Variants in PPP1R14C observed in about 807,000 individuals in gnomAD.
PPP1R14C encodes the protein protein phosphatase 1 regulatory inhibitor subunit 14C, also known as protein phosphatase 1 regulatory subunit 14C.
In PPP1R14C, 16 loss-of-function variants were observed where a neutral mutation model predicts 20.4. The ratio of observed to expected loss-of-function variants is 0.78; its 90% CI spans 0.53 to 1.19. The LOEUF (loss-of-function observed/expected upper bound fraction) is 1.19, where lower values mean the gene tolerates loss of function less well. Ranked by LOEUF, PPP1R14C falls within the 50% of genes most tolerant of loss-of-function variation. The pLI is 0.00. For synonymous variants in PPP1R14C, 91 were observed against 91.0 expected, an observed-to-expected ratio of 1.00 and a Z score of 0.00; for missense variants, 211 against 220.1, an observed-to-expected ratio of 0.96 and a Z score of 0.26.
intron 1 of PPP1R14C, among the ~76,000 whole-genome samples, chr6:150,144,294 G>A (rs1490199609): frequency 6.6e-6 from 1 of 152,210 alleles, no homozygotes; most frequent in South Asian, 2.1e-4. Context: ...TCTCCTCCAC[G>A]ACATCGTGAC....
intron 3 of PPP1R14C, among the ~76,000 whole-genome samples, chr6:150,224,218 C>T (rs1778203653): frequency 6.6e-6 from 1 of 152,214 alleles, no homozygotes; most frequent in South Asian, 2.1e-4. Context: ...TCCATTCTTT[C>T]ACCAATACCA....
At chr6:150,242,553 G>A (rs1778445386) in intron 3 of PPP1R14C, among the ~76,000 whole-genome samples, 1 of 152,154 alleles carries the variant, frequency 6.6e-6, no homozygotes, top group Admixed American at 6.5e-5. Context: ...AAATAGAAGT[G>A]AGCCTCCTTA....
rs375113380 is a variant in PPP1R14C at position 150,248,808 on chromosome 6, G to C, written c.486G>C (p.Lys162Asn). ...RGMRKLSPPQ[K>N]KSV ...TGAGGAAACTGAGCCCTCCGCAGAAGAAGAGTGTATGATTCTGGAACAGGG... is the reference window on the plus strand; with the variant it reads ...TGAGGAAACTGAGCCCTCCGCAGAACAAGAGTGTATGATTCTGGAACAGGG... The change falls in exon 4 of 4, where the codon AAG becomes AAC. Residue 162 changes from lysine to asparagine, a missense_variant. Physicochemically the swap from Lys to Asn is moderately conservative, Grantham distance 94 (BLOSUM62 0). Coordinates refer to ENST00000361131, the MANE Select transcript of PPP1R14C (RefSeq NM_030949.3). 1 of 1,611,394 alleles carries C rather than the reference G, an allele frequency of 6.2e-7. No homozygotes were observed. Among genetic ancestry groups the C allele is most frequent in the Non-Finnish European group, 8.5e-7 (1 of 1,177,588 alleles).
chr6:150,149,443 A>ATTTTTTTTTTTTTTTTTTTTTTTTTTT (rs1216146263), intron 1 of PPP1R14C, among the ~76,000 whole-genome samples: 1 of 119,940 alleles, frequency 8.3e-6, no homozygotes, highest in African/African-American at 3.3e-5. Context: ...CTCCCACCTA[A>ATTTTTTTTTTTTTTTTTTTTTTTTTTT]TTTTTTTTTT....
At chr6:150,165,956 C>T (rs1254815047) in intron 1 of PPP1R14C, among the ~76,000 whole-genome samples, 1 of 152,184 alleles carries the variant, frequency 6.6e-6, no homozygotes, top group Non-Finnish European at 1.5e-5. Context: ...TAGAGGAATG[C>T]ATTTTCAGGA....
At chr6:150,152,197 G>T (rs940149253) in intron 1 of PPP1R14C, among the ~76,000 whole-genome samples, 12 of 150,444 alleles carry the variant, frequency 8.0e-5, no homozygotes, top group African/African-American at 2.7e-4. Context: ...TTTAATCCTC[G>T]CAGTAACTCT....
At chr6:150,238,448 C>A (rs951665458) in intron 3 of PPP1R14C, among the ~76,000 whole-genome samples, 2 of 152,222 alleles carry the variant, frequency 1.3e-5, no homozygotes, top group Non-Finnish European at 2.9e-5. Flanking sequence ...GATTCTGTGG[C>A]CTTTCAGTGA....
intron 1 of PPP1R14C, among the ~76,000 whole-genome samples, chr6:150,148,065 T>C (rs890838257): frequency 4.6e-5 from 7 of 152,240 alleles, no homozygotes; most frequent in African/African-American, 1.7e-4. Context: ...GTTTTATTCC[T>C]CACTTTCTGA....
At chr6:150,193,789 A>G (rs1214574360) in intron 1 of PPP1R14C, among the ~76,000 whole-genome samples, 4 of 152,036 alleles carry the variant, frequency 2.6e-5, no homozygotes, top group African/African-American at 9.7e-5. Flanking sequence ...CATTCATAGG[A>G]TGTAGCTCTG....
chr6:150,226,819 G>A (rs111861384), intron 3 of PPP1R14C, among the ~76,000 whole-genome samples: 320 of 152,146 alleles, frequency 2.1e-3, no homozygotes, highest in Non-Finnish European at 3.9e-3. Flanking sequence ...AACTAAGTCC[G>A]AGAGTAGGTG....
intron 1 of PPP1R14C, among the ~76,000 whole-genome samples, chr6:150,179,559 G>A (rs754172602): frequency 1.3e-5 from 2 of 151,810 alleles, no homozygotes; most frequent in Non-Finnish European, 2.9e-5. Flanking sequence ...AAATGGAAAC[G>A]AACTCTGCAG....
chr6:150,235,921 A>T (rs1355428964), intron 3 of PPP1R14C, among the ~76,000 whole-genome samples: 2 of 152,134 alleles, frequency 1.3e-5, no homozygotes, highest in East Asian at 3.9e-4. Context: ...CCCTCCTCCC[A>T]TACTGGAAAA....
chr6:150,195,953 A>G, intron 1 of PPP1R14C: 1 of 985,366 alleles, frequency 1.0e-6, no homozygotes, highest in Non-Finnish European at 1.2e-6. Context: ...GCTGTGTCCA[A>G]GGACTGAAGA....
chr6:150,172,270 G>A (rs1255390705), intron 1 of PPP1R14C, among the ~76,000 whole-genome samples: 2 of 152,200 alleles, frequency 1.3e-5, no homozygotes, highest in Non-Finnish European at 2.9e-5. Context: ...CAGAACTAAT[G>A]GTTAAAGTCA....
chr6:150,187,247 C>CTCTGTG (rs1394033275), intron 1 of PPP1R14C, among the ~76,000 whole-genome samples: 9 of 141,498 alleles, frequency 6.4e-5, no homozygotes, highest in Non-Finnish European at 1.4e-4. Context: ...TTCTCTTTCT[C>CTCTGTG]TGTGTGTGTG....
chr6:150,240,867 C>G (rs773522228), intron 3 of PPP1R14C, among the ~76,000 whole-genome samples: 8 of 152,258 alleles, frequency 5.3e-5, no homozygotes, highest in Non-Finnish European at 1.0e-4. Context: ...TATTTGCTCT[C>G]TGCTCCAGGT....
chr6:150,196,886 A>G (rs1777811099), intron 1 of PPP1R14C, among the ~76,000 whole-genome samples: 1 of 152,218 alleles, frequency 6.6e-6, no homozygotes. Context: ...ATTCTACACT[A>G]CTTGTCTGGA....
intron 1 of PPP1R14C, among the ~76,000 whole-genome samples, chr6:150,151,255 G>T (rs748432000): frequency 1.2e-4 from 18 of 152,132 alleles, no homozygotes; most frequent in Admixed American, 2.0e-4. Flanking sequence ...GTCTGAAAAT[G>T]AGTTTCTCAT....
At chr6:150,179,054 A>G (rs9384220) in intron 1 of PPP1R14C, among the ~76,000 whole-genome samples, 50,667 of 151,898 alleles carry the variant, frequency 0.33, 9,830 homozygotes, top group African/African-American at 0.53. Flanking sequence ...TTTTCCTTTT[A>G]GGAGGAAGGG....
Sources: allele counts gnomAD v4.1 joint callset (sites outside exome capture counted in the v4.1 genomes callset), GRCh38; gene constraint gnomAD v4.1.1; transcripts MANE v1.5; gene names NCBI Gene and HGNC (gene_info 2026-07-23, HGNC 2026-07-21).